Variants in SPMIP2 observed in about 807,000 individuals in gnomAD.
SPMIP2 encodes sperm microtubule inner protein 2.
At chr4:159,079,858 A>G in the SPMIP2 span, among the ~76,000 whole-genome samples, 1 of 152,142 alleles carries the variant, frequency 6.6e-6, no homozygotes, top group Non-Finnish European at 1.5e-5. Flanking sequence ...TTTTTAAAAA[A>G]CACTAATGCA....
chr4:158,983,014 G>T, the SPMIP2 span, among the ~76,000 whole-genome samples: 1 of 152,178 alleles, frequency 6.6e-6, no homozygotes, highest in Non-Finnish European at 1.5e-5. Flanking sequence ...TGTGAAGAAT[G>T]CAGAAGCCTC....
chr4:158,920,440 T>G, the SPMIP2 span, among the ~76,000 whole-genome samples: 1 of 152,150 alleles, frequency 6.6e-6, no homozygotes, highest in Non-Finnish European at 1.5e-5. Context: ...ATTGCTAAAT[T>G]CTTTTCCTAG....
chr4:159,055,152 A>G, the SPMIP2 span, among the ~76,000 whole-genome samples: 1 of 152,188 alleles, frequency 6.6e-6, no homozygotes, highest in African/African-American at 2.4e-5. Context: ...CCTTAATAAG[A>G]GCAGGTTATA....
At chr4:159,010,927 A>T in the SPMIP2 span, among the ~76,000 whole-genome samples, 4 of 152,146 alleles carry the variant, frequency 2.6e-5, no homozygotes, top group African/African-American at 7.2e-5. Context: ...TAAAATAGTA[A>T]CATCTTTTAC....
At chr4:158,908,899 G>C in the SPMIP2 span, among the ~76,000 whole-genome samples, 1 of 152,144 alleles carries the variant, frequency 6.6e-6, no homozygotes, top group Non-Finnish European at 1.5e-5. Flanking sequence ...TGTTAGCCAG[G>C]CTAGTCTTGA....
chr4:159,053,229 T>G, the SPMIP2 span, among the ~76,000 whole-genome samples: 1 of 152,116 alleles, frequency 6.6e-6, no homozygotes, highest in Non-Finnish European at 1.5e-5. Context: ...GTGCTGGGAT[T>G]ACAGGCGTGA....
At chr4:158,930,832 T>C in the SPMIP2 span, among the ~76,000 whole-genome samples, 1 of 152,146 alleles carries the variant, frequency 6.6e-6, no homozygotes, top group East Asian at 1.9e-4. Flanking sequence ...TTGTATATGA[T>C]AGTCATTTTT....
At chr4:159,082,693 T>G in the SPMIP2 span, among the ~76,000 whole-genome samples, 3 of 152,222 alleles carry the variant, frequency 2.0e-5, no homozygotes, top group Non-Finnish European at 4.4e-5. Context: ...AATCTGATCA[T>G]AATTAGAAAC....
the SPMIP2 span, among the ~76,000 whole-genome samples, chr4:158,947,887 T>C: frequency 6.6e-6 from 1 of 152,174 alleles, no homozygotes; most frequent in Admixed American, 6.5e-5. Context: ...CACTTTTACA[T>C]ATACATAATA....
At chr4:158,983,649 A>C in the SPMIP2 span, among the ~76,000 whole-genome samples, 1 of 76,816 alleles carries the variant, frequency 1.3e-5, no homozygotes, top group Admixed American at 1.6e-4. Flanking sequence ...AGAAAGCACT[A>C]AACATGGAAA....
chr4:159,002,822 T>A, the SPMIP2 span, among the ~76,000 whole-genome samples: 15 of 152,158 alleles, frequency 9.9e-5, no homozygotes, highest in African/African-American at 3.4e-4. Flanking sequence ...GGTCCCTATG[T>A]GAAATGTATT....
chr4:159,030,765 G>T, the SPMIP2 span, among the ~76,000 whole-genome samples: 2 of 152,002 alleles, frequency 1.3e-5, no homozygotes, highest in African/African-American at 4.8e-5. Flanking sequence ...CCAGGTGCTG[G>T]GATCACAGGG....
chr4:159,075,475 G>A, the SPMIP2 span, among the ~76,000 whole-genome samples: 2 of 152,098 alleles, frequency 1.3e-5, no homozygotes, highest in African/African-American at 4.8e-5. Context: ...TTGTAATTGT[G>A]TTTCTATAAT....
the SPMIP2 span, among the ~76,000 whole-genome samples, chr4:158,923,635 A>G: frequency 6.6e-6 from 1 of 152,190 alleles, no homozygotes; most frequent in Non-Finnish European, 1.5e-5. Flanking sequence ...GATTTTTTAC[A>G]TATAAGATCA....
the SPMIP2 span, among the ~76,000 whole-genome samples, chr4:158,973,983 C>CAAAAA: frequency 1.6e-3 from 101 of 64,812 alleles, 1 homozygote; most frequent in Non-Finnish European, 1.7e-3. Flanking sequence ...AAGGCCACCT[C>CAAAAA]AAAAAAAAAA....
chr4:158,945,413 T>C, the SPMIP2 span, among the ~76,000 whole-genome samples: 3 of 152,168 alleles, frequency 2.0e-5, no homozygotes, highest in Non-Finnish European at 4.4e-5. Flanking sequence ...AAATTATTGA[T>C]TTACTGACTG....
At chr4:159,079,272 G>A in the SPMIP2 span, among the ~76,000 whole-genome samples, 1 of 152,078 alleles carries the variant, frequency 6.6e-6, no homozygotes, top group Non-Finnish European at 1.5e-5. Context: ...ATTAGGTCAT[G>A]AGGGCTCCAC....
the SPMIP2 span, among the ~76,000 whole-genome samples, chr4:158,969,154 C>T: frequency 6.6e-6 from 1 of 152,134 alleles, no homozygotes; most frequent in African/African-American, 2.4e-5. Context: ...AACCAAATGA[C>T]TTAAATCATT....
At chr4:158,969,964 C>T in the SPMIP2 span, among the ~76,000 whole-genome samples, 2 of 151,866 alleles carry the variant, frequency 1.3e-5, no homozygotes, top group Admixed American at 6.5e-5. Flanking sequence ...TGGAAAGGGT[C>T]TATAGACAGA....
Sources: allele counts gnomAD v4.1 joint callset (sites outside exome capture counted in the v4.1 genomes callset), GRCh38; gene constraint gnomAD v4.1.1; transcripts MANE v1.5; gene names NCBI Gene and HGNC (gene_info 2026-07-23, HGNC 2026-07-21).